The following CASQ2 variants were observed in gnomAD, a reference collection of about 807,000 sequenced individuals.
The protein encoded by CASQ2 is calsequestrin 2.
CASQ2 carries 49 observed loss-of-function variants against 46.5 expected under a neutral mutation model. The observed-to-expected ratio is 1.05, with a 90% CI of 0.84 to 1.34. The LOEUF is 1.34. Ranked by LOEUF, CASQ2 falls within the 40% of genes most tolerant of loss-of-function variation. CASQ2 has a pLI of 0.00. For missense variants in CASQ2, 486 were observed against 481.3 expected (o/e 1.01, Z -0.09); for synonymous variants, 174 against 168.5 (o/e 1.03, Z -0.25).
At chr1:115,705,123 T>G in intron 9 of CASQ2, 69 bp downstream of exon 9, 1 of 1,010,532 alleles carries the variant, frequency 9.9e-7, no homozygotes, top group East Asian at 2.4e-5. Context: ...TTTCACCTCC[T>G]CAGATGCTGA....
chr1:115,718,836 A>T (rs989104248), intron 7 of CASQ2, among the ~76,000 whole-genome samples: 4 of 152,160 alleles, frequency 2.6e-5, no homozygotes, highest in African/African-American at 4.8e-5. Flanking sequence ...CTGGAGAAAG[A>T]GGAGCTAGAG....
intron 8 of CASQ2, among the ~76,000 whole-genome samples, chr1:115,714,620 G>C (rs1411223350): frequency 6.6e-6 from 1 of 152,212 alleles, no homozygotes; most frequent in Non-Finnish European, 1.5e-5. Context: ...CAGAGGGACT[G>C]TTTTGCAGGA....
In CASQ2 at chr1:115,701,307, ATCT is replaced by A. The variant is rs765914619; in HGVS notation, c.1131_1133del (p.Glu377del). On this transcript the variant is annotated inframe_deletion, in exon 11 of 11. Coordinates refer to ENST00000261448, the MANE Select transcript of CASQ2 (RefSeq NM_001232.4). Reference sequence around the variant, plus strand: ...CATCAGAATTATCATCATCATCATCATCTTCATCATCATCTTCAGTGTTTATCT... The same window carrying A: ...CATCAGAATTATCATCATCATCATCATCATCATCATCTTCAGTGTTTATCT... 9 of 1,588,594 alleles carry A rather than the reference ATCT, an allele frequency of 5.7e-6. No individual in the cohort carries two copies. In the African/African-American group the frequency reaches 8.1e-5, roughly 14 times the overall value.
At position 115,722,574 on chromosome 1, in the gene CASQ2, C is replaced by G. The variant is rs1036616291; in HGVS notation, c.783+2934G>C. ...AGGGGTCCATAGTGGTATATTCCCTCCCTTCCTAGAACCTAGATAATTGAG... is the reference window on the plus strand; with the variant it reads ...AGGGGTCCATAGTGGTATATTCCCTGCCTTCCTAGAACCTAGATAATTGAG... On this transcript the variant is annotated intron_variant, in intron 7 of 10. Coordinates refer to ENST00000261448, the MANE Select transcript of CASQ2 (RefSeq NM_001232.4). Among the ~76,000 whole-genome samples the G allele has an allele frequency of 1.3e-4, 20 of 152,254 alleles. No homozygotes were observed. In the South Asian group the frequency reaches 3.3e-3, roughly 25 times the overall value.
At chr1:115,739,945 T>C (rs1227707910) in intron 3 of CASQ2, among the ~76,000 whole-genome samples, 2 of 152,114 alleles carry the variant, frequency 1.3e-5, no homozygotes, top group African/African-American at 4.8e-5. Context: ...TGGGTGTGAG[T>C]CAATGAGATG....
chr1:115,725,431 G>C (rs1647546743), intron 7 of CASQ2, 77 bp downstream of exon 7: 10 of 1,535,458 alleles, frequency 6.5e-6, no homozygotes, highest in Admixed American at 1.7e-5. Flanking sequence ...TTGAGTTTGG[G>C]GACTTAATCT....
At chr1:115,703,747 C>A (rs1174617112) in intron 9 of CASQ2, among the ~76,000 whole-genome samples, 1 of 151,986 alleles carries the variant, frequency 6.6e-6, no homozygotes, top group Admixed American at 6.6e-5. Flanking sequence ...CTTGTCTCTA[C>A]AAGAAATTTT....
At chr1:115,751,844 T>C (rs1045129779) in intron 1 of CASQ2, among the ~76,000 whole-genome samples, 7 of 152,302 alleles carry the variant, frequency 4.6e-5, no homozygotes, top group Non-Finnish European at 1.0e-4. Flanking sequence ...ATCCCTAACA[T>C]GGCCAAGAAT....
intron 6 of CASQ2, 38 bp downstream of exon 6, chr1:115,726,954 A>ACCCCCCGCCCCCCCCCC: frequency 1.8e-6 from 2 of 1,108,068 alleles, no homozygotes; most frequent in South Asian, 1.3e-5. Context: ...CATTCCCCAG[A>ACCCCCCGCCCCCCCCCC]CCCCAGGCCC....
rs368165922 is a variant in CASQ2, at chr1:115,705,271, A to T, written c.860T>A (p.Ile287Asn). ...SDPDGYEFLE[I>N]LKQVARDNTD... is the part of the protein sequence containing the mutation. Reference sequence around the variant, plus strand: ...ATTGTCCCGGGCAACCTGTTTCAGGATCTCCAGGAATTCGTAGCCATCTGA... The same window carrying T: ...ATTGTCCCGGGCAACCTGTTTCAGGTTCTCCAGGAATTCGTAGCCATCTGA... Residue 287 changes from isoleucine to asparagine, a missense_variant, in exon 9 of 11, where the codon ATC (isoleucine) becomes AAC (asparagine). By Grantham distance (149) the Ile-to-Asn change is moderately radical. Transcript: ENST00000261448. 14 of 1,613,292 alleles carry T rather than the reference A, an allele frequency of 8.7e-6. No homozygotes were observed. In the African/African-American group the frequency reaches 1.7e-4, roughly 20 times the overall value.
intron 7 of CASQ2, among the ~76,000 whole-genome samples, chr1:115,719,717 G>A (rs575284641): frequency 1.2e-4 from 18 of 152,308 alleles, no homozygotes; most frequent in African/African-American, 4.1e-4. Flanking sequence ...AAGCTGGCAA[G>A]TTGGGGTTAC....
At chr1:115,714,676 C>T (rs1167818090) in intron 8 of CASQ2, among the ~76,000 whole-genome samples, 1 of 152,230 alleles carries the variant, frequency 6.6e-6, no homozygotes, top group Non-Finnish European at 1.5e-5. Context: ...CCAGGTTACA[C>T]ATCAGTGCTC....
chr1:115,746,615 C>T (rs2101103370), intron 1 of CASQ2, among the ~76,000 whole-genome samples: 1 of 152,232 alleles, frequency 6.6e-6, no homozygotes, highest in Admixed American at 6.5e-5. Context: ...TCCTGATTTG[C>T]CATGTGTATG....
At chr1:115,744,763 A>G in intron 2 of CASQ2, 65 bp downstream of exon 2, 1 of 1,037,202 alleles carries the variant, frequency 9.6e-7, no homozygotes, top group Non-Finnish European at 1.5e-6. Context: ...TTGCAACTGT[A>G]CTTTTCCTTT....
intron 8 of CASQ2, among the ~76,000 whole-genome samples, chr1:115,715,324 A>G (rs1654666920): frequency 1.3e-5 from 2 of 152,190 alleles, no homozygotes; most frequent in South Asian, 4.1e-4. Context: ...AAGACAAGAG[A>G]GTGCTCAGAT....
rs775269772 is a variant in CASQ2 at position 115,747,506 on chromosome 1, C to CA, written c.235-2595dup. On this transcript the variant is annotated intron_variant, in intron 1 of 10. Coordinates refer to ENST00000261448, the MANE Select transcript of CASQ2 (RefSeq NM_001232.4). ...ACTTCAGAATAATCTTGTTTATACA[C>CA]AAAAAAAAATATTACTAGAATTTTG... 4.7e-4 allele frequency among the ~76,000 whole-genome samples: 71 copies of CA among 150,762 alleles called. 1 individual carries two copies. The highest frequency in any genetic ancestry group is 3.5e-3 in the East Asian group (18 of 5,158).
At chr1:115,737,158 A>G (rs1291151013) in intron 4 of CASQ2, among the ~76,000 whole-genome samples, 1 of 152,222 alleles carries the variant, frequency 6.6e-6, no homozygotes, top group African/African-American at 2.4e-5. Context: ...TGTACAAACT[A>G]AAATAAAATT....
At chr1:115,768,239 C>G (rs1006083796) in intron 1 of CASQ2, 69 bp downstream of exon 1, 51 of 1,016,892 alleles carry the variant, frequency 5.0e-5, no homozygotes, top group Non-Finnish European at 6.3e-5. Flanking sequence ...ATATCCCAAC[C>G]CCTGGCCAAA....
chr1:115,704,016 A>G (rs1005344489), intron 9 of CASQ2, among the ~76,000 whole-genome samples: 1 of 152,248 alleles, frequency 6.6e-6, no homozygotes, highest in Non-Finnish European at 1.5e-5. Context: ...GGCAGAAGCT[A>G]TATCAACAAA....
Sources: allele counts gnomAD v4.1 joint callset (sites outside exome capture counted in the v4.1 genomes callset), GRCh38; gene constraint gnomAD v4.1.1; transcripts MANE v1.5; gene names NCBI Gene and HGNC (gene_info 2026-07-23, HGNC 2026-07-21).